The following B4GALNT3 variants were observed in gnomAD, a reference collection of about 807,000 sequenced individuals.
B4GALNT3 encodes the protein beta-1,4-N-acetylgalactosaminyltransferase 3.
In B4GALNT3, 86 loss-of-function variants were observed where a neutral mutation model predicts 120.2. The ratio of observed to expected loss-of-function variants is 0.72; its 90% CI spans 0.60 to 0.86. The LOEUF (loss-of-function observed/expected upper bound fraction) is 0.86. Among genes scored for constraint, B4GALNT3 ranks in the 40% least tolerant of loss-of-function variants. The pLI, the probability that B4GALNT3 is intolerant of heterozygous loss-of-function variation, is 0.00. For synonymous variants in B4GALNT3, 518 were observed against 510.4 expected (o/e 1.01, Z -0.20); for missense variants, 1,167 against 1,298.9 (o/e 0.90, Z 1.56).
At chr12:558,881 C>T (rs1025012939) in intron 18 of B4GALNT3, among the ~76,000 whole-genome samples, 14 of 151,688 alleles carry the variant, frequency 9.2e-5, no homozygotes, top group Non-Finnish European at 1.6e-4. Context: ...ACCTCCTGCG[C>T]CGTCTTCTCC....
chr12:512,323 ACCTTCCACCTT>A (rs1403161453), intron 1 of B4GALNT3, among the ~76,000 whole-genome samples: 1 of 73,866 alleles, frequency 1.4e-5, no homozygotes, highest in African/African-American at 6.6e-5. Context: ...TCCACCTTCC[ACCTTCCACCTT>A]CCTTCCACCT....
At position 552,089 on chromosome 12, in the gene B4GALNT3, T is replaced by A; in HGVS notation, c.1134T>A (p.Asn378Lys). Residue 378 changes from asparagine (N) to lysine (K), a missense_variant, in exon 12 of 20, where the codon AAT becomes AAA. Transcript: ENST00000266383. ...RFVHLSFVYPNDYTRLSHMET... is the reference protein window; with the variant it reads ...RFVHLSFVYPKDYTRLSHMET... ...TTCATCTGTCTTTTGTTTACCCCAA[T>A]GACTATACCCGCCTGAGCCACATGG... 6.2e-7 allele frequency: 1 copy of A among 1,612,468 alleles called. No homozygotes were observed. The highest frequency in any genetic ancestry group is 8.5e-7 in the Non-Finnish European group (1 of 1,178,576).
intron 3 of B4GALNT3, among the ~76,000 whole-genome samples, chr12:541,194 A>T (rs1341049290): frequency 6.6e-6 from 1 of 152,142 alleles, no homozygotes; most frequent in African/African-American, 2.4e-5. Flanking sequence ...GGGCCGGTGG[A>T]TATTCCTGTG....
At chr12:486,205 C>CTTTTTTTT (rs59345776) in intron 1 of B4GALNT3, among the ~76,000 whole-genome samples, 2 of 97,990 alleles carry the variant, frequency 2.0e-5, no homozygotes, top group Non-Finnish European at 2.0e-5. Flanking sequence ...CCAAAATATT[C>CTTTTTTTT]TTTTTTTTTT....
intron 1 of B4GALNT3, among the ~76,000 whole-genome samples, chr12:499,611 C>T (rs921778915): frequency 1.4e-5 from 2 of 140,656 alleles, no homozygotes; most frequent in Non-Finnish European, 3.0e-5. Context: ...CCGTGGAGCC[C>T]GTGCTCTCAC....
At chr12:520,049 G>C (rs1251671826) in intron 1 of B4GALNT3, among the ~76,000 whole-genome samples, 4 of 152,208 alleles carry the variant, frequency 2.6e-5, no homozygotes, top group African/African-American at 9.7e-5. Flanking sequence ...GTTCGGGCCA[G>C]CTGTCATGTC....
rs191420785 is a variant in B4GALNT3 at position 482,423 on chromosome 12, G to C, written c.169+21878G>C. Among the ~76,000 whole-genome samples, 11 of 152,348 alleles carry C rather than the reference G, an allele frequency of 7.2e-5. No individual in the cohort carries two copies. In the East Asian group the frequency reaches 1.7e-3, roughly 24 times the overall value. On this transcript the variant is annotated intron_variant, in intron 1 of 19. Coordinates refer to ENST00000266383, the MANE Select transcript of B4GALNT3 (RefSeq NM_173593.4). ...CTCTCCTTTTACAGATGAGGAAACT[G>C]AGGCTGAAAGAGGCTTGTCCAAGGT... is the stretch of plus-strand genomic sequence containing the variant.
Position 563,505 on chromosome 12 carries a change from A to T in B4GALNT3, c.*2054A>T, listed in dbSNP as rs528566935. 6 of 152,318 alleles carry T rather than the reference A, an allele frequency of 3.9e-5. No homozygotes were observed. The highest frequency in any genetic ancestry group is 1.4e-4 in the African/African-American group (6 of 41,570). 9.4% of individuals were successfully genotyped at this position (152,318 alleles called of 1,614,324 possible). On this transcript the variant is annotated 3_prime_UTR_variant, in exon 20 of 20. Transcript: ENST00000266383. ...AAATACAGCAACTTCTTAGAAAAAA[A>T]AAAAGGTGCTTGTCTTTTCCTGTTG...
At chr12:547,878 C>A in intron 7 of B4GALNT3, 146 bp from the exon 8 acceptor site, 2 of 673,136 alleles carry the variant, frequency 3.0e-6, no homozygotes, top group Non-Finnish European at 5.2e-6. Flanking sequence ...AGAGTGGGGG[C>A]TCGAACCTAG....
At position 536,250 on chromosome 12, in the gene B4GALNT3, C is replaced by A. The variant is rs1217865518; in HGVS notation, c.306C>A (p.Asn102Lys). The A allele has an allele frequency of 1.2e-6, 2 of 1,614,142 alleles. No homozygotes were observed. The highest frequency in any genetic ancestry group is 4.5e-5 in the East Asian group (2 of 44,874). Residue 102 changes from asparagine to lysine, a missense_variant, in exon 3 of 20, where the codon AAC (asparagine) becomes AAA (lysine). Asn to Lys is a moderately conservative substitution (Grantham distance 94). This residue lies in a region of B4GALNT3 where 171 missense variants were observed against 161.3 expected (regional missense o/e 1.06). Transcript: ENST00000266383. ...ACATTGACCAAGGGGTGAGCAGTAA[C>A]AGCAGCTACTTGAAGTGGAACAAGC... ...DHDIDQGVSS[N>K]SSYLKWNKPV...
chr12:467,515 C>T (rs1014887972), intron 1 of B4GALNT3, among the ~76,000 whole-genome samples: 17 of 152,030 alleles, frequency 1.1e-4, no homozygotes, highest in African/African-American at 4.1e-4. Flanking sequence ...GCCAAGATGG[C>T]GCCACTGCAC....
At position 482,932 on chromosome 12, in the gene B4GALNT3, G is replaced by A. The variant is rs1402686903; in HGVS notation, c.169+22387G>A. On this transcript the variant is annotated intron_variant, in intron 1 of 19. Transcript: ENST00000266383. The stretch of plus-strand genomic sequence containing the variant: ...TTTTCTCTCTTTTTTTCTGGAGACA[G>A]GATCTCACTCTGTCACCCAGGCTGG... Among the ~76,000 whole-genome samples, 5 of 152,114 alleles carry A rather than the reference G, an allele frequency of 3.3e-5. No individual in the cohort carries two copies. In the East Asian group the frequency reaches 9.6e-4, roughly 29 times the overall value.
At chr12:464,242 T>C (rs1378470423) in intron 1 of B4GALNT3, among the ~76,000 whole-genome samples, 1 of 152,228 alleles carries the variant, frequency 6.6e-6, no homozygotes, top group Non-Finnish European at 1.5e-5. Flanking sequence ...AAATTGTTAT[T>C]GGAAGTTAAA....
chr12:480,263 T>C (rs1256271767), intron 1 of B4GALNT3, among the ~76,000 whole-genome samples: 1 of 152,116 alleles, frequency 6.6e-6, no homozygotes, highest in African/African-American at 2.4e-5. Context: ...GGAAAAAACA[T>C]AAGTCCTTTT....
At chr12:533,400 C>G (rs1946826942) in intron 1 of B4GALNT3, among the ~76,000 whole-genome samples, 1 of 152,230 alleles carries the variant, frequency 6.6e-6, no homozygotes, top group African/African-American at 2.4e-5. Flanking sequence ...CTGGGCCAGC[C>G]TGGAAACAGG....
intron 1 of B4GALNT3, among the ~76,000 whole-genome samples, chr12:522,235 C>T (rs1679756772): frequency 6.6e-6 from 1 of 152,180 alleles, no homozygotes; most frequent in Non-Finnish European, 1.5e-5. Flanking sequence ...GCAGCATTTT[C>T]CACAGTAGCA....
At chr12:475,836 C>A (rs979769634) in intron 1 of B4GALNT3, among the ~76,000 whole-genome samples, 42 of 152,260 alleles carry the variant, frequency 2.8e-4, no homozygotes, top group African/African-American at 8.7e-4. Context: ...TCCAGAGTAT[C>A]TGGTTAGGAC....
chr12:561,318 C>T (rs1346735461), intron 19 of B4GALNT3, 25 bp from the exon 20 acceptor site: 4 of 1,584,402 alleles, frequency 2.5e-6, no homozygotes, highest in Admixed American at 1.7e-5. Flanking sequence ...CTTCTGTTGG[C>T]TCATCTGTGT....
chr12:503,336 A>G (rs1946461641), intron 1 of B4GALNT3, among the ~76,000 whole-genome samples: 1 of 152,138 alleles, frequency 6.6e-6, no homozygotes, highest in East Asian at 1.9e-4. Context: ...CCACCAAGCC[A>G]TGGCTGCCAC....
Sources: gnomAD v4.1 joint callset for allele counts (sites outside exome capture counted in the v4.1 genomes callset) on GRCh38, gnomAD v4.1.1 for gene constraint, gnomAD v4.1.1 regional missense constraint, MANE v1.5 for transcripts, NCBI Gene and HGNC (gene_info 2026-07-23, HGNC 2026-07-21) for gene names.